SNTB2: variants seen among roughly 807,000 people sequenced by gnomAD.
SNTB2 encodes syntrophin beta 2, also known as beta-2-syntrophin.
SNTB2 carries 34 observed loss-of-function variants against 46.2 expected under a neutral mutation model. The observed-to-expected ratio is 0.74, with a 90% CI of 0.56 to 0.98. SNTB2 has a LOEUF of 0.98. Among genes scored for constraint, SNTB2 ranks in the 50% least tolerant of loss-of-function variants. The probability of loss-of-function intolerance (pLI) is 0.00; values close to 1 mark genes in which losing one functional copy is unlikely to be tolerated. For synonymous variants in SNTB2, 290 were observed against 312.6 expected, an observed-to-expected ratio of 0.93 and a Z score of 0.76; for missense variants, 603 against 731.4, an observed-to-expected ratio of 0.82 and a Z score of 2.02.
intron 1 of SNTB2, among the ~76,000 whole-genome samples, chr16:69,189,760 A>C (rs1964032906): frequency 6.6e-6 from 1 of 152,226 alleles, no homozygotes; most frequent in Admixed American, 6.5e-5. Context: ...AAAAACAAAC[A>C]ACCAACCTAC....
At chr16:69,206,771 C>G (rs988255602) in intron 1 of SNTB2, among the ~76,000 whole-genome samples, 3 of 150,766 alleles carry the variant, frequency 2.0e-5, no homozygotes, top group Non-Finnish European at 4.4e-5. Context: ...TTTTTATATA[C>G]TTATTTTTTT....
At chr16:69,281,484 G>GGTTTTTTTTTTTTT (rs1284016751) in intron 4 of SNTB2, among the ~76,000 whole-genome samples, 4 of 131,710 alleles carry the variant, frequency 3.0e-5, no homozygotes, top group Admixed American at 7.4e-5. Flanking sequence ...TGTAAGGTCT[G>GGTTTTTTTTTTTTT]GTTTTTTTTT....
chr16:69,240,428 A>G (rs982258596), intron 1 of SNTB2: 3 of 152,330 alleles, frequency 2.0e-5, no homozygotes, highest in African/African-American at 4.8e-5. Flanking sequence ...AAGCAAAGCA[A>G]TTCCTTCCTC....
chr16:69,235,583 G>T (rs775112788), intron 1 of SNTB2: 5 of 670,332 alleles, frequency 7.5e-6, no homozygotes, highest in East Asian at 1.3e-4. Flanking sequence ...AGACCAAAGT[G>T]GGGGAGGGGG....
At chr16:69,262,330 G>A (rs1964841821) in intron 3 of SNTB2, among the ~76,000 whole-genome samples, 1 of 151,938 alleles carries the variant, frequency 6.6e-6, no homozygotes, top group Non-Finnish European at 1.5e-5. Context: ...TTTGGAAATG[G>A]AGTCTCGCTG....
chr16:69,296,706 A>G (rs1965228493), intron 5 of SNTB2, among the ~76,000 whole-genome samples: 1 of 148,416 alleles, frequency 6.7e-6, no homozygotes. Flanking sequence ...TGGCCGACAG[A>G]GAGACTCTGT....
At chr16:69,252,892 C>T (rs1006748486) in intron 2 of SNTB2, among the ~76,000 whole-genome samples, 2 of 151,368 alleles carry the variant, frequency 1.3e-5, no homozygotes, top group African/African-American at 4.9e-5. Flanking sequence ...ATTACTTTGT[C>T]CCCTTTGTCA....
At chr16:69,222,256 A>C (rs1964412429) in intron 1 of SNTB2, among the ~76,000 whole-genome samples, 1 of 152,170 alleles carries the variant, frequency 6.6e-6, no homozygotes, top group African/African-American at 2.4e-5. Context: ...TTTGTCTTTT[A>C]AATGATAAGT....
rs1965048821 is a variant in SNTB2 at position 69,281,687 on chromosome 16, AC to A, written c.1149-2360del. Among the ~76,000 whole-genome samples the A allele has an allele frequency of 7.9e-5, 12 of 151,744 alleles. No homozygotes were observed. In the South Asian group the frequency reaches 2.5e-3, roughly 32 times the overall value. On this transcript the variant is annotated intron_variant, in intron 4 of 6. Coordinates refer to ENST00000336278, the MANE Select transcript of SNTB2 (RefSeq NM_006750.4). The stretch of plus-strand genomic sequence containing the variant: ...GTAAAACCCTGTCTGTACTAAAAAT[AC>A]AAAAATTAGCTGGGTATGGTGGCAG...
At chr16:69,191,843 G>A (rs1964057911) in intron 1 of SNTB2, among the ~76,000 whole-genome samples, 1 of 151,810 alleles carries the variant, frequency 6.6e-6, no homozygotes, top group Non-Finnish European at 1.5e-5. Flanking sequence ...GGGTTTCACT[G>A]TGTTAGCCAG....
chr16:69,218,458 G>C (rs558104502), intron 1 of SNTB2, among the ~76,000 whole-genome samples: 6 of 142,740 alleles, frequency 4.2e-5, no homozygotes, highest in Admixed American at 7.2e-5. Context: ...GTATCACTTT[G>C]TTGCCCAGGC....
chr16:69,204,703 G>T (rs1964196673), intron 1 of SNTB2, among the ~76,000 whole-genome samples: 1 of 152,202 alleles, frequency 6.6e-6, no homozygotes, highest in African/African-American at 2.4e-5. Context: ...GATATTTTCA[G>T]TTGATCTGCC....
At chr16:69,268,150 TA>T (rs1964904196) in intron 3 of SNTB2, among the ~76,000 whole-genome samples, 1 of 152,224 alleles carries the variant, frequency 6.6e-6, no homozygotes, top group South Asian at 2.1e-4. Context: ...TGGTACCTTC[TA>T]AGCTGAAACA....
intron 4 of SNTB2, among the ~76,000 whole-genome samples, chr16:69,281,160 AT>A (rs1567413855): frequency 1.3e-5 from 2 of 150,726 alleles, no homozygotes; most frequent in African/African-American, 4.9e-5. Context: ...CAACTTACCA[AT>A]TTTTTTCTTC....
intron 2 of SNTB2, among the ~76,000 whole-genome samples, chr16:69,250,938 A>G (rs1964719351): frequency 6.6e-6 from 1 of 151,840 alleles, no homozygotes; most frequent in Non-Finnish European, 1.5e-5. Context: ...TGGTCCTTAA[A>G]TTTATCTCAG....
intron 1 of SNTB2, among the ~76,000 whole-genome samples, chr16:69,232,605 G>A (rs560673532): frequency 1.5e-5 from 2 of 137,378 alleles, no homozygotes; most frequent in East Asian, 2.4e-4. Context: ...TCTGCCTCCC[G>A]GGTTCAAGCG....
chr16:69,246,619 T>C (rs1219254423), intron 2 of SNTB2, among the ~76,000 whole-genome samples: 88 of 145,442 alleles, frequency 6.1e-4, no homozygotes, highest in African/African-American at 2.2e-3. Context: ...TTGATTGGAA[T>C]AGTTTCAGAA....
At chr16:69,257,259 T>TATG (rs574416931) in intron 2 of SNTB2, among the ~76,000 whole-genome samples, 482 of 151,728 alleles carry the variant, frequency 3.2e-3, no homozygotes, top group Non-Finnish European at 5.2e-3. Flanking sequence ...TATGTCTTAA[T>TATG]ATGTTTAGGT....
chr16:69,191,759 G>T (rs569147264), intron 1 of SNTB2, among the ~76,000 whole-genome samples: 38 of 151,966 alleles, frequency 2.5e-4, no homozygotes, highest in Non-Finnish European at 4.7e-4. Context: ...TGCTGCCTCA[G>T]CCTCCCAAGT....
Sources: gnomAD v4.1 joint callset for allele counts (sites outside exome capture counted in the v4.1 genomes callset) on GRCh38, gnomAD v4.1.1 for gene constraint, MANE v1.5 for transcripts, NCBI Gene and HGNC (gene_info 2026-07-23, HGNC 2026-07-21) for gene names.